ENAH: variants seen among roughly 807,000 people sequenced by gnomAD.
The protein encoded by ENAH is protein enabled homolog.
ENAH carries 23 observed loss-of-function variants against 78.7 expected under a neutral mutation model. The ratio of observed to expected loss-of-function variants is 0.29; its 90% CI spans 0.21 to 0.41. ENAH has a LOEUF of 0.41. Among genes scored for constraint, ENAH ranks in the 10% least tolerant of loss-of-function variants. The pLI is 1.00. For missense variants in ENAH, 544 were observed against 691.0 expected, an observed-to-expected ratio of 0.79 and a Z score of 2.39; for synonymous variants, 226 against 241.0, an observed-to-expected ratio of 0.94 and a Z score of 0.58.
rs2096211956 is a variant in ENAH, at chr1:225,489,247, A to G, written c.*8528T>C. 6.6e-6 allele frequency: 1 copy of G among 152,188 alleles called. No individual in the cohort carries two copies. The highest frequency in any genetic ancestry group is 1.5e-5 in the Non-Finnish European group (1 of 68,042). The allele number at this position is 152,188 out of a possible 1,614,324, so 9.4% of individuals were successfully genotyped here. On this transcript the variant is annotated 3_prime_UTR_variant, in exon 14 of 14. Transcript: ENST00000366843. ...CGTGTGGTCCCATTACATGATTGGA[A>G]TCAGTCTTTCTGAACGGCAGAATGT...
At chr1:225,599,252 A>G (rs987754536) in intron 1 of ENAH, among the ~76,000 whole-genome samples, 7 of 152,194 alleles carry the variant, frequency 4.6e-5, no homozygotes, top group Non-Finnish European at 7.3e-5. Flanking sequence ...CTAAAGAGAG[A>G]CTGAAGAGAC....
In ENAH at chr1:225,652,723, C is replaced by A; in HGVS notation, c.-33G>T. ...GCGGCGCAGAGGCTTCCCCACCAGC[C>A]GGGAGACGCAGAAGGCGCCGAGCCG... On this transcript the variant is annotated 5_prime_UTR_variant, in exon 1 of 14. Transcript: ENST00000366843. 1 of 1,314,402 alleles carries A rather than the reference C, an allele frequency of 7.6e-7. No individual in the cohort carries two copies. Among genetic ancestry groups the A allele is most frequent in the Non-Finnish European group, 9.7e-7 (1 of 1,033,500 alleles). The allele number at this position is 1,314,402 out of a possible 1,614,324, so 81.4% of individuals were successfully genotyped here.
At chr1:225,562,714 T>C (rs1026286247) in intron 2 of ENAH, among the ~76,000 whole-genome samples, 6 of 151,206 alleles carry the variant, frequency 4.0e-5, no homozygotes, top group Admixed American at 2.6e-4. Flanking sequence ...TGTAAGTAAA[T>C]GGTGGGTGGT....
intron 1 of ENAH, among the ~76,000 whole-genome samples, chr1:225,608,061 A>T (rs911420100): frequency 6.6e-6 from 1 of 152,120 alleles, no homozygotes; most frequent in African/African-American, 2.4e-5. Flanking sequence ...AAACAACGCA[A>T]GGAACAGAAT....
rs530557597 is a variant in ENAH, at chr1:225,499,766, C to T, written c.1617+1226G>A. ...CACAATTTTAATGGGTGAAAAGTAA[C>T]AGCTGTCCTTTGGAAGAATTAGTTT... On this transcript the variant is annotated intron_variant, in intron 12 of 13. Coordinates refer to ENST00000366843, the MANE Select transcript of ENAH (RefSeq NM_018212.6). Among the ~76,000 whole-genome samples, 109 of 152,330 alleles carry T rather than the reference C, an allele frequency of 7.2e-4. 1 individual carries two copies. The highest frequency in any genetic ancestry group is 2.5e-3 in the African/African-American group (102 of 41,576).
At chr1:225,638,532 T>C (rs1377271957) in intron 1 of ENAH, among the ~76,000 whole-genome samples, 4 of 152,208 alleles carry the variant, frequency 2.6e-5, no homozygotes, top group African/African-American at 9.7e-5. Flanking sequence ...TATGCACATT[T>C]TTACTTTTTT....
chr1:225,644,770 T>C (rs918926088), intron 1 of ENAH, among the ~76,000 whole-genome samples: 18 of 152,172 alleles, frequency 1.2e-4, no homozygotes, highest in African/African-American at 4.3e-4. Flanking sequence ...CAAGACCAGA[T>C]GTTCTATAAG....
At position 225,495,015 on chromosome 1, in the gene ENAH, A is replaced by G. The variant is rs892936099; in HGVS notation, c.*2760T>C. On this transcript the variant is annotated 3_prime_UTR_variant, in exon 14 of 14. Transcript: ENST00000366843. The stretch of plus-strand genomic sequence containing the variant: ...TTTGATTGACACTTGATGCTTGCAA[A>G]TTTTTAAACAAACTTTTAAATCATG... 1.3e-5 allele frequency: 2 copies of G among 152,642 alleles called. No homozygotes were observed. Among genetic ancestry groups the G allele is most frequent in the Admixed American group, 1.3e-4 (2 of 15,274 alleles). 9.5% of individuals were successfully genotyped at this position (152,642 alleles called of 1,614,324 possible). A position where few individuals can be genotyped will look rare whatever the true frequency, so the allele number is the denominator to read the frequency against.
In ENAH at chr1:225,502,264, T is replaced by C. The variant is rs966892494; in HGVS notation, c.1539-1194A>G. Among the ~76,000 whole-genome samples the C allele has an allele frequency of 2.6e-5, 4 of 152,170 alleles. No individual in the cohort carries two copies. In the South Asian group the frequency reaches 6.2e-4, roughly 24 times the overall value. ...TCTTGCTGTGTCTCCCAGGCTGGAG[T>C]GCAGTGGTGCGATCTTGGCTCACTG... On this transcript the variant is annotated intron_variant, in intron 11 of 13. Transcript: ENST00000366843.
In ENAH at chr1:225,503,464, C is replaced by G. The variant is rs571033407; in HGVS notation, c.1539-2394G>C. Among the ~76,000 whole-genome samples the G allele has an allele frequency of 1.2e-4, 19 of 152,054 alleles. 1 individual carries two copies. The South Asian group carries it at 3.3e-3, about 27-fold the overall frequency. On this transcript the variant is annotated intron_variant, in intron 11 of 13. Coordinates refer to ENST00000366843, the MANE Select transcript of ENAH (RefSeq NM_018212.6). ...CTAATTTTTGTATGTTTTGTAGAGACAGGGTTTAACCACATTGCCTAGGCT... is the reference window on the plus strand; with the variant it reads ...CTAATTTTTGTATGTTTTGTAGAGAGAGGGTTTAACCACATTGCCTAGGCT...
intron 3 of ENAH, among the ~76,000 whole-genome samples, chr1:225,537,517 T>G (rs1483255110): frequency 6.6e-6 from 1 of 152,202 alleles, no homozygotes. Context: ...CTAACAGAAC[T>G]TCCTGCTTAA....
At chr1:225,628,298 A>G (rs1658319175) in intron 1 of ENAH, among the ~76,000 whole-genome samples, 1 of 152,232 alleles carries the variant, frequency 6.6e-6, no homozygotes, top group Non-Finnish European at 1.5e-5. Context: ...AAGAGCTTTT[A>G]AAATCGTTTC....
intron 1 of ENAH, among the ~76,000 whole-genome samples, chr1:225,638,690 A>C (rs777984035): frequency 3.9e-5 from 6 of 152,222 alleles, no homozygotes; most frequent in Admixed American, 6.5e-5. Flanking sequence ...GAAGGCACTG[A>C]AGTAGTTCAG....
chr1:225,609,654 G>T lies in ENAH; in HGVS notation c.6-42240C>A, dbSNP rs963024592. Among the ~76,000 whole-genome samples, 9 of 140,798 alleles carry T rather than the reference G, an allele frequency of 6.4e-5. No homozygotes were observed. The South Asian group carries it at 6.8e-4, about 11-fold the overall frequency. The allele number at this position is 140,798 out of a possible 152,430, so 92.4% of individuals were successfully genotyped here. On this transcript the variant is annotated intron_variant, in intron 1 of 13. Coordinates refer to ENST00000366843, the MANE Select transcript of ENAH (RefSeq NM_018212.6). ...GGATTCTAGCAGGAAAGGGAAAAAT[G>T]GATTTTTTTTTTTTTTTTTTTTTTT...
intron 1 of ENAH, among the ~76,000 whole-genome samples, chr1:225,584,345 TTAACTC>T (rs1242589225): frequency 2.0e-5 from 3 of 152,120 alleles, no homozygotes; most frequent in East Asian, 3.9e-4. Context: ...TGCTACAACA[TTAACTC>T]TAAGTAAATG....
chr1:225,491,686 G>T lies in ENAH; in HGVS notation c.*6089C>A. The stretch of plus-strand genomic sequence containing the variant: ...GACTTGGATGGAAACTTTTGGACTT[G>T]ATGGGAAAATTAACTCTCAATCTAA... On this transcript the variant is annotated 3_prime_UTR_variant, in exon 14 of 14. Coordinates refer to ENST00000366843, the MANE Select transcript of ENAH (RefSeq NM_018212.6). 6.6e-6 allele frequency: 1 copy of T among 152,136 alleles called. No individual in the cohort carries two copies. Among genetic ancestry groups the T allele is most frequent in the East Asian group, 1.9e-4 (1 of 5,188 alleles). The allele number at this position is 152,136 out of a possible 1,614,324, so 9.4% of individuals were successfully genotyped here.
intron 3 of ENAH, among the ~76,000 whole-genome samples, chr1:225,552,653 A>G (rs1016962155): frequency 6.6e-6 from 1 of 152,160 alleles, no homozygotes. Flanking sequence ...GATCCACAAT[A>G]CCAGGAGGCA....
intron 1 of ENAH, among the ~76,000 whole-genome samples, chr1:225,581,512 A>C (rs903739237): frequency 6.6e-6 from 1 of 152,126 alleles, no homozygotes; most frequent in African/African-American, 2.4e-5. Context: ...CAATGAATGA[A>C]TAGTGTCAGC....
chr1:225,519,183 T>C lies in ENAH; in HGVS notation c.802+15A>G, dbSNP rs941162523. On this transcript the variant is annotated intron_variant, in intron 5 of 13. Transcript: ENST00000366843. ...CTCAGATACAAGAACACAGAAGAGTTTGTAAACTTCTTACCAGCACTTGAT... is the reference window on the plus strand; with the variant it reads ...CTCAGATACAAGAACACAGAAGAGTCTGTAAACTTCTTACCAGCACTTGAT... 15 of 1,611,140 alleles carry C rather than the reference T, an allele frequency of 9.3e-6. No individual in the cohort carries two copies. The African/African-American group carries it at 1.1e-4, about 11-fold the overall frequency.
Sources: gnomAD v4.1 joint callset for allele counts (sites outside exome capture counted in the v4.1 genomes callset) on GRCh38, gnomAD v4.1.1 for gene constraint, MANE v1.5 for transcripts, NCBI Gene and HGNC (gene_info 2026-07-23, HGNC 2026-07-21) for gene names.